ATAD2B: variants seen among roughly 807,000 people sequenced by gnomAD.
ATAD2B encodes the protein ATPase family AAA domain containing 2B.
A neutral mutation model predicts 167.6 loss-of-function variants in ATAD2B; 40 were observed. That is an observed-to-expected ratio of 0.24 (90% CI 0.19 to 0.31). The LOEUF is 0.31. Among genes scored for constraint, ATAD2B ranks in the 10% least tolerant of loss-of-function variants. The pLI, the probability that ATAD2B is intolerant of heterozygous loss-of-function variation, is 1.00. For missense variants in ATAD2B, 1,242 were observed against 1,757.2 expected (o/e 0.71, Z 5.24); for synonymous variants, 579 against 596.5 (o/e 0.97, Z 0.43).
At chr2:23,813,279 A>C (rs1381297514) in intron 17 of ATAD2B, among the ~76,000 whole-genome samples, 2 of 144,538 alleles carry the variant, frequency 1.4e-5, no homozygotes, top group Non-Finnish European at 3.0e-5. Context: ...AATTATATGA[A>C]TTATAAAATA....
At chr2:23,745,854 C>T (rs1030562452), downstream of ATAD2B, among the ~76,000 whole-genome samples, 4 of 152,262 alleles carry the variant, frequency 2.6e-5, no homozygotes, top group African/African-American at 9.6e-5. Context: ...AAGGACCTTG[C>T]TGTCCTGTCT....
At chr2:23,854,041 T>A (rs1692973713) in intron 13 of ATAD2B, among the ~76,000 whole-genome samples, 1 of 151,806 alleles carries the variant, frequency 6.6e-6, no homozygotes, top group Admixed American at 6.6e-5. Flanking sequence ...AGGTCAGAAG[T>A]TCGAGACCAG....
At chr2:23,760,695 T>TACACACAC (rs745974065) in intron 24 of ATAD2B, among the ~76,000 whole-genome samples, 1 of 76,506 alleles carries the variant, frequency 1.3e-5, no homozygotes, top group Non-Finnish European at 3.0e-5. Flanking sequence ...TAAATTTATA[T>TACACACAC]ATATACACAC....
At chr2:23,683,933 G>A in the ATAD2B span, among the ~76,000 whole-genome samples, 4 of 152,290 alleles carry the variant, frequency 2.6e-5, no homozygotes, top group East Asian at 3.9e-4. Flanking sequence ...AGGTTTTGTG[G>A]TTGTGATTCC....
chr2:23,696,114 G>C, the ATAD2B span: 1 of 1,551,674 alleles, frequency 6.4e-7, no homozygotes, highest in Non-Finnish European at 8.7e-7. The surrounding 1 kb of genome is among the most constrained non-coding windows in gnomAD (Gnocchi z 5.5). Flanking sequence ...TGAGTGCAGG[G>C]GACAACATCT....
At chr2:23,881,803 G>A (rs188430005) in intron 6 of ATAD2B, among the ~76,000 whole-genome samples, 26 of 150,148 alleles carry the variant, frequency 1.7e-4, no homozygotes, top group African/African-American at 5.9e-4. Context: ...AGCTCACTGC[G>A]ACCTCTGCCT....
chr2:23,859,335 G>C (rs755130634), intron 12 of ATAD2B, among the ~76,000 whole-genome samples: 4 of 151,742 alleles, frequency 2.6e-5, no homozygotes, highest in African/African-American at 9.7e-5. Context: ...TTTGAGACAA[G>C]GTCTCACTCT....
chr2:23,773,811 T>C (rs1443376544), intron 22 of ATAD2B, among the ~76,000 whole-genome samples: 2 of 152,130 alleles, frequency 1.3e-5, no homozygotes, highest in African/African-American at 4.8e-5. Context: ...CATCTGTGGG[T>C]TTGCACACAG....
intron 18 of ATAD2B, chr2:23,809,178 T>TA (rs1387682880): frequency 6.6e-6 from 1 of 152,106 alleles, no homozygotes; most frequent in African/African-American, 2.4e-5. Context: ...TAATTTTGTC[T>TA]AAAAAGAAAA....
chr2:23,868,449 C>T (rs1573135013), intron 9 of ATAD2B, among the ~76,000 whole-genome samples: 1 of 152,134 alleles, frequency 6.6e-6, no homozygotes, highest in South Asian at 2.1e-4. Flanking sequence ...TACAGGCAGG[C>T]AACACTACAC....
intron 22 of ATAD2B, among the ~76,000 whole-genome samples, chr2:23,777,137 G>A (rs1298311588): frequency 6.6e-6 from 1 of 152,072 alleles, no homozygotes; most frequent in Non-Finnish European, 1.5e-5. Flanking sequence ...GAGAGAAGGA[G>A]GCCACCATCT....
At chr2:23,845,738 C>A (rs567067002) in intron 13 of ATAD2B, among the ~76,000 whole-genome samples, 1 of 151,804 alleles carries the variant, frequency 6.6e-6, no homozygotes, top group Non-Finnish European at 1.5e-5. Flanking sequence ...CACCACTACA[C>A]CCAGCTAATT....
intron 21 of ATAD2B, chr2:23,785,823 C>T (rs546063637): frequency 6.4e-6 from 3 of 469,790 alleles, no homozygotes; most frequent in South Asian, 9.0e-5. Context: ...ATTAAGAGGC[C>T]AATATAAATT....
chr2:23,818,125 CACACACACACACACACAGAG>C (rs1290334908), intron 17 of ATAD2B, among the ~76,000 whole-genome samples: 2 of 130,024 alleles, frequency 1.5e-5, no homozygotes, highest in African/African-American at 2.9e-5. Context: ...ACACACATTA[CACACACACACACACACAGAG>C]AGAGAGAAGG....
At chr2:23,924,108 C>G (rs978521413) in intron 1 of ATAD2B, among the ~76,000 whole-genome samples, 5 of 151,634 alleles carry the variant, frequency 3.3e-5, no homozygotes, top group Non-Finnish European at 5.9e-5. Context: ...GCGTGAACCC[C>G]GGGGGGCGGA....
intron 15 of ATAD2B, among the ~76,000 whole-genome samples, chr2:23,826,295 G>A (rs1372069864): frequency 6.6e-6 from 1 of 152,124 alleles, no homozygotes; most frequent in Non-Finnish European, 1.5e-5. Context: ...TATACTTAGG[G>A]TAACCACATG....
chr2:23,890,431 T>C (rs1340982771), intron 2 of ATAD2B, among the ~76,000 whole-genome samples: 5 of 152,178 alleles, frequency 3.3e-5, no homozygotes, highest in Non-Finnish European at 7.4e-5. Context: ...TCTCCAGGTA[T>C]ATGAGTGTGA....
At chr2:23,851,737 C>T (rs1484578348) in intron 13 of ATAD2B, among the ~76,000 whole-genome samples, 1 of 152,050 alleles carries the variant, frequency 6.6e-6, no homozygotes, top group East Asian at 1.9e-4. Flanking sequence ...TTTCACTGCC[C>T]TAAAAAATCT....
intron 1 of ATAD2B, among the ~76,000 whole-genome samples, chr2:23,908,142 G>C (rs1166956559): frequency 6.6e-6 from 1 of 152,052 alleles, no homozygotes; most frequent in African/African-American, 2.4e-5. Flanking sequence ...TGACAAATGG[G>C]ATCTAATTAA....
Sources: allele counts gnomAD v4.1 joint callset (sites outside exome capture counted in the v4.1 genomes callset), GRCh38; gene constraint gnomAD v4.1.1; non-coding constraint Gnocchi (gnomAD v3.1); transcripts MANE v1.5; gene names NCBI Gene and HGNC (gene_info 2026-07-23, HGNC 2026-07-21).